The following PAQR5 variants were observed in gnomAD, a reference collection of about 807,000 sequenced individuals.
PAQR5 encodes the protein progestin and adipoQ receptor family member 5, also known as membrane progestin receptor gamma.
Under a neutral mutation model 34.5 loss-of-function variants are expected in PAQR5, and 20 were observed. That is an observed-to-expected ratio of 0.58 (90% CI 0.41 to 0.84). The LOEUF (loss-of-function observed/expected upper bound fraction) is 0.84, where lower values mean the gene tolerates loss of function less well. Ranked by LOEUF, PAQR5 falls within the 40% of genes least tolerant of loss-of-function variation. PAQR5 has a pLI of 0.00. For synonymous variants in PAQR5, 131 were observed against 155.6 expected, an observed-to-expected ratio of 0.84 and a Z score of 1.18; for missense variants, 378 against 412.7, an observed-to-expected ratio of 0.92 and a Z score of 0.73.
intron 1 of PAQR5, among the ~76,000 whole-genome samples, chr15:69,300,908 C>T (rs55977213): frequency 1.6e-4 from 3 of 18,508 alleles, no homozygotes; most frequent in African/African-American, 3.6e-4. Flanking sequence ...TTCCTTCCTT[C>T]CTTCCTTTCT....
intron 2 of PAQR5, among the ~76,000 whole-genome samples, chr15:69,341,461 GT>G (rs2054641228): frequency 6.7e-6 from 1 of 148,450 alleles, no homozygotes; most frequent in African/African-American, 2.5e-5. Context: ...AGCTCAAGTA[GT>G]CCCCCCACCT....
At chr15:69,382,809 T>TGC (rs2055946206) in intron 4 of PAQR5, 2 of 5,884 alleles carry the variant, frequency 3.4e-4, no homozygotes, top group African/African-American at 6.0e-4. Context: ...ACCATATATA[T>TGC]ATATATATAT....
intron 1 of PAQR5, among the ~76,000 whole-genome samples, chr15:69,334,434 A>C (rs1055411240): frequency 2.0e-5 from 3 of 152,216 alleles, no homozygotes; most frequent in African/African-American, 7.2e-5. Context: ...AAATGCTTTA[A>C]GGTCAAACTG....
chr15:69,302,924 A>C (rs1217037533), intron 1 of PAQR5, among the ~76,000 whole-genome samples: 1 of 152,186 alleles, frequency 6.6e-6, no homozygotes, highest in African/African-American at 2.4e-5. Flanking sequence ...CTTAGCAGCC[A>C]TGTCCCCCTG....
At chr15:69,386,212 ACACT>A (rs924169414) in intron 5 of PAQR5, among the ~76,000 whole-genome samples, 9 of 150,786 alleles carry the variant, frequency 6.0e-5, no homozygotes, top group Admixed American at 2.0e-4. Context: ...ACACATTCAC[ACACT>A]CACACTCTCA....
rs746606477 is a variant in PAQR5 at position 69,385,428 on chromosome 15, A to C, written c.385+546A>C. Among the ~76,000 whole-genome samples, 1 of 152,208 alleles carries C rather than the reference A, an allele frequency of 6.6e-6. No homozygotes were observed. Among genetic ancestry groups the C allele is most frequent in the Non-Finnish European group, 1.5e-5 (1 of 68,036 alleles). On this transcript the variant is annotated intron_variant, in intron 5 of 8. Transcript: ENST00000395407. The surrounding 1 kb of genome is among the most constrained non-coding windows in gnomAD (Gnocchi z 4.7). Reference sequence around the variant, plus strand: ...CAGGCAAGAAGAGGAGGGTGAGGTCATGAGCCTCGTATATCCAGAGGCTTA... The same window carrying C: ...CAGGCAAGAAGAGGAGGGTGAGGTCCTGAGCCTCGTATATCCAGAGGCTTA...
At position 69,379,745 on chromosome 15, in the gene PAQR5, A is replaced by C. The variant is rs977227627; in HGVS notation, c.52-138A>C. 2.4e-6 allele frequency: 3 copies of C among 1,241,554 alleles called. No individual in the cohort carries two copies. The African/African-American group carries it at 4.5e-5, about 19-fold the overall frequency. The allele number at this position is 1,241,554 out of a possible 1,614,324, so 76.9% of individuals were successfully genotyped here. Reference sequence around the variant, plus strand: ...GCTACTGCGAGGGAAGGAGAGAGTGAGGGGAACAGCTTAACAGGTTAAGGA... The same window carrying C: ...GCTACTGCGAGGGAAGGAGAGAGTGCGGGGAACAGCTTAACAGGTTAAGGA... On this transcript the variant is annotated intron_variant, in intron 3 of 8. Coordinates refer to ENST00000395407, the MANE Select transcript of PAQR5 (RefSeq NM_017705.4).
At chr15:69,382,659 C>CATATATATATATATATAT (rs59064870) in intron 4 of PAQR5, among the ~76,000 whole-genome samples, 1 of 91,268 alleles carries the variant, frequency 1.1e-5, no homozygotes, top group African/African-American at 4.9e-5. Context: ...AAAAAAAAAG[C>CATATATATATATATATAT]ATATATATAT....
At chr15:69,391,706 T>C (rs2056278119) in intron 6 of PAQR5, 1 of 455,492 alleles carries the variant, frequency 2.2e-6, no homozygotes, top group Admixed American at 2.4e-5. Context: ...ACAGGGAGAG[T>C]ACCACAGGTT....
chr15:69,372,253 G>A (rs1051064324), intron 3 of PAQR5, among the ~76,000 whole-genome samples: 4 of 152,110 alleles, frequency 2.6e-5, no homozygotes, highest in Non-Finnish European at 5.9e-5. Context: ...CGTAAAAAAA[G>A]CATTCTTTGG....
chr15:69,323,265 A>C (rs924727996), intron 1 of PAQR5, among the ~76,000 whole-genome samples: 1 of 152,218 alleles, frequency 6.6e-6, no homozygotes, highest in South Asian at 2.1e-4. Context: ...AGTGCTTGAT[A>C]TAGGTCTACT....
chr15:69,324,434 T>C (rs141183057), intron 1 of PAQR5, among the ~76,000 whole-genome samples: 137 of 152,340 alleles, frequency 9.0e-4, no homozygotes, highest in African/African-American at 3.2e-3. Flanking sequence ...GTTTTCATCC[T>C]CACCAGAGCC....
chr15:69,376,289 T>C (rs2055703898), intron 3 of PAQR5, among the ~76,000 whole-genome samples: 1 of 152,196 alleles, frequency 6.6e-6, no homozygotes, highest in South Asian at 2.1e-4. Context: ...CAGTTTTCCT[T>C]TGGGGTCAAA....
In PAQR5 at chr15:69,344,364, C is replaced by T. The variant is rs964182287; in HGVS notation, c.-116+6863C>T. ...AACCTTCTCACTAATTCGCATATCT[C>T]TAATTCCACTCATTTCTCCAAAGAA... On this transcript the variant is annotated intron_variant, in intron 2 of 8. Coordinates refer to ENST00000395407, the MANE Select transcript of PAQR5 (RefSeq NM_017705.4). Among the ~76,000 whole-genome samples, 30 of 152,198 alleles carry T rather than the reference C, an allele frequency of 2.0e-4. 1 individual carries two copies. The highest frequency in any genetic ancestry group is 7.0e-4 in the African/African-American group (29 of 41,436).
At chr15:69,355,872 A>G (rs28552749) in intron 2 of PAQR5, among the ~76,000 whole-genome samples, 7,007 of 152,190 alleles carry the variant, frequency 0.046, 530 homozygotes, top group African/African-American at 0.16. Flanking sequence ...CAATTTTTAT[A>G]TCAGTTAAAT....
At chr15:69,329,389 A>G (rs1303278254) in intron 1 of PAQR5, among the ~76,000 whole-genome samples, 1 of 151,752 alleles carries the variant, frequency 6.6e-6, no homozygotes, top group East Asian at 1.9e-4. Flanking sequence ...AAAAAAGAAT[A>G]TAAATGTATT....
chr15:69,336,434 T>C (rs931439628), intron 1 of PAQR5, among the ~76,000 whole-genome samples: 3 of 152,186 alleles, frequency 2.0e-5, no homozygotes, highest in African/African-American at 7.2e-5. Context: ...TTGGCATATG[T>C]TCCAAAATTA....
At chr15:69,325,768 A>C (rs1595856364) in intron 1 of PAQR5, among the ~76,000 whole-genome samples, 1 of 151,368 alleles carries the variant, frequency 6.6e-6, no homozygotes, top group Non-Finnish European at 1.5e-5. Context: ...CAAACACGTG[A>C]CCCCTCCTGT....
chr15:69,385,625 G>C lies in PAQR5; in HGVS notation c.385+743G>C, dbSNP rs557832349. Among the ~76,000 whole-genome samples the C allele has an allele frequency of 2.6e-5, 4 of 152,202 alleles. No homozygotes were observed. In the East Asian group the frequency reaches 7.7e-4, roughly 29 times the overall value. ...CATGCATCTATCCCTAAGGATATGA[G>C]TTCTAGATTCTTCCTCCAGGTCCCA... is the stretch of plus-strand genomic sequence containing the variant. On this transcript the variant is annotated intron_variant, in intron 5 of 8. Transcript: ENST00000395407. This position sits in a 1 kb window ranked among gnomAD's most constrained non-coding sequence, Gnocchi z 4.7.
Sources: gnomAD v4.1 joint callset for allele counts (sites outside exome capture counted in the v4.1 genomes callset) on GRCh38, gnomAD v4.1.1 for gene constraint, Gnocchi (gnomAD v3.1) non-coding constraint, MANE v1.5 for transcripts, NCBI Gene and HGNC (gene_info 2026-07-23, HGNC 2026-07-21) for gene names.